The following TMEM74 variants were observed in gnomAD, a reference collection of about 807,000 sequenced individuals.
TMEM74 encodes transmembrane protein 74.
A neutral mutation model predicts 18.1 loss-of-function variants in TMEM74; 13 were observed. The observed-to-expected ratio is 0.72, with a 90% CI of 0.47 to 1.14. The LOEUF is 1.14. Among genes scored for constraint, TMEM74 ranks in the 50% most tolerant of loss-of-function variants. TMEM74 has a pLI of 0.00. For synonymous variants in TMEM74, 159 were observed against 146.6 expected, an observed-to-expected ratio of 1.08 and a Z score of -0.61; for missense variants, 372 against 375.9, an observed-to-expected ratio of 0.99 and a Z score of 0.09.
chr8:108,731,735 A>C (rs1210114523), intron 1 of TMEM74, among the ~76,000 whole-genome samples: 2 of 152,056 alleles, frequency 1.3e-5, no homozygotes, highest in Non-Finnish European at 2.9e-5. Context: ...CTGATATTTA[A>C]AAAAAATGTT....
At chr8:108,671,500 A>G (rs557817929) in intron 1 of TMEM74, among the ~76,000 whole-genome samples, 6 of 152,132 alleles carry the variant, frequency 3.9e-5, no homozygotes, top group African/African-American at 9.7e-5. Context: ...TTCATGCAAT[A>G]TTGATGTGTT....
Position 108,782,093 on chromosome 8 carries a change from C to T in TMEM74, c.*2088G>A, listed in dbSNP as rs1042165082. ...CTTTAATGCCTTCTTTTTTTTAATG[C>T]CTTCTTTTTTTAACACACAGCTCAG... On this transcript the variant is annotated 3_prime_UTR_variant, in exon 2 of 2. Coordinates refer to ENST00000297459, the MANE Select transcript of TMEM74 (RefSeq NM_153015.3). Among the ~76,000 whole-genome samples, 3 of 151,770 alleles carry T rather than the reference C, an allele frequency of 2.0e-5. No individual in the cohort carries two copies. Among genetic ancestry groups the T allele is most frequent in the South Asian group, 2.1e-4 (1 of 4,806 alleles).
chr8:108,661,399 T>TTTTTC, intron 1 of TMEM74, among the ~76,000 whole-genome samples: 1 of 148,560 alleles, frequency 6.7e-6, no homozygotes, highest in Non-Finnish European at 1.5e-5. Flanking sequence ...TTTTTTTTTT[T>TTTTTC]TTCTATCTTT....
At chr8:108,640,383 G>A (rs1812652236) in intron 2 of TMEM74, among the ~76,000 whole-genome samples, 1 of 151,692 alleles carries the variant, frequency 6.6e-6, no homozygotes, top group South Asian at 2.1e-4. Context: ...CAAAGTGCTG[G>A]GATTACAGGC....
intron 1 of TMEM74, among the ~76,000 whole-genome samples, chr8:108,696,624 C>T (rs2130611668): frequency 6.6e-6 from 1 of 152,322 alleles, no homozygotes; most frequent in East Asian, 1.9e-4. Flanking sequence ...ACTGTAGTAA[C>T]ATTTGGCAGA....
chr8:108,744,232 G>A (rs1392906399), intron 1 of TMEM74, among the ~76,000 whole-genome samples: 1 of 152,070 alleles, frequency 6.6e-6, no homozygotes, highest in Non-Finnish European at 1.5e-5. Context: ...CAGATAATTG[G>A]ACTAATGACC....
chr8:108,700,810 A>ATTTGG (rs1813327815), intron 1 of TMEM74, among the ~76,000 whole-genome samples: 1 of 152,212 alleles, frequency 6.6e-6, no homozygotes, highest in South Asian at 2.1e-4. Flanking sequence ...CCAGGTTTAC[A>ATTTGG]CAGCTGGAGC....
chr8:108,705,401 T>G (rs971796670), intron 1 of TMEM74, among the ~76,000 whole-genome samples: 1 of 152,024 alleles, frequency 6.6e-6, no homozygotes, highest in Non-Finnish European at 1.5e-5. Context: ...GAAAAAGGAG[T>G]TGTTAATTCC....
chr8:108,666,606 A>G (rs1196827945), intron 1 of TMEM74, among the ~76,000 whole-genome samples: 1 of 152,152 alleles, frequency 6.6e-6, no homozygotes, highest in African/African-American at 2.4e-5. Flanking sequence ...GCATAGCTTT[A>G]TAGTGTGACT....
At chr8:108,749,417 G>T (rs907743417) in intron 1 of TMEM74, among the ~76,000 whole-genome samples, 4 of 152,106 alleles carry the variant, frequency 2.6e-5, no homozygotes, top group Non-Finnish European at 5.9e-5. Context: ...TGGAAATTGT[G>T]AATGGGAGTT....
intron 1 of TMEM74, among the ~76,000 whole-genome samples, 172 bp from the exon 2 acceptor site, chr8:108,785,309 G>A (rs936859225): frequency 2.0e-5 from 3 of 152,136 alleles, no homozygotes; most frequent in Non-Finnish European, 4.4e-5. Context: ...AAGTGTGGAA[G>A]GGACAAATGC....
intron 1 of TMEM74, among the ~76,000 whole-genome samples, chr8:108,694,941 C>A (rs183093355): frequency 5.9e-5 from 9 of 152,278 alleles, no homozygotes; most frequent in African/African-American, 1.2e-4. Context: ...AACCCACAAG[C>A]ATTCCCCTTT....
chr8:108,717,221 G>C (rs1364457100), intron 1 of TMEM74, among the ~76,000 whole-genome samples: 1 of 151,800 alleles, frequency 6.6e-6, no homozygotes, highest in African/African-American at 2.4e-5. Context: ...TAATAAAGGA[G>C]TTACTCAAAA....
chr8:108,700,660 G>A (rs973181119), intron 1 of TMEM74, among the ~76,000 whole-genome samples: 1 of 152,066 alleles, frequency 6.6e-6, no homozygotes, highest in Non-Finnish European at 1.5e-5. Context: ...TATACATGGG[G>A]CATTTAATCA....
intron 1 of TMEM74, among the ~76,000 whole-genome samples, chr8:108,688,384 G>T (rs1189213401): frequency 1.3e-5 from 2 of 152,196 alleles, no homozygotes; most frequent in Non-Finnish European, 2.9e-5. Context: ...TCCAATCAAG[G>T]ATGTTCCAAG....
At chr8:108,702,821 A>G (rs1015918628) in intron 1 of TMEM74, among the ~76,000 whole-genome samples, 8 of 150,540 alleles carry the variant, frequency 5.3e-5, no homozygotes, top group African/African-American at 1.5e-4. Flanking sequence ...CAATCCATGA[A>G]ATAACTTATT....
At chr8:108,707,115 C>G (rs1279861979) in intron 1 of TMEM74, among the ~76,000 whole-genome samples, 5 of 136,014 alleles carry the variant, frequency 3.7e-5, no homozygotes, top group Non-Finnish European at 3.0e-5. Flanking sequence ...TGTTCTCACT[C>G]ATAGGTGGGA....
rs547658205 is a variant in TMEM74, at chr8:108,783,169, C to A, written c.*1012G>T. 6.6e-6 allele frequency among the ~76,000 whole-genome samples: 1 copy of A among 152,172 alleles called. No homozygotes were observed. The highest frequency in any genetic ancestry group is 2.1e-4 in the South Asian group (1 of 4,822). ...CATGAGGGAAGTGCTCGTTGCTTGG[C>A]CTACAGCAAGTGATACAGCCTGCGA... On this transcript the variant is annotated 3_prime_UTR_variant, in exon 2 of 2. Transcript: ENST00000297459.
intron 1 of TMEM74, among the ~76,000 whole-genome samples, chr8:108,709,701 C>T (rs1047295462): frequency 6.6e-6 from 1 of 151,846 alleles, no homozygotes; most frequent in African/African-American, 2.4e-5. Context: ...CAAAACAAAA[C>T]AAAATCAAAC....
Sources: allele counts gnomAD v4.1 joint callset (sites outside exome capture counted in the v4.1 genomes callset), GRCh38; gene constraint gnomAD v4.1.1; transcripts MANE v1.5; gene names NCBI Gene and HGNC (gene_info 2026-07-23, HGNC 2026-07-21).